GTF2F2: variants seen among roughly 807,000 people sequenced by gnomAD.
GTF2F2 encodes the protein general transcription factor IIF subunit 2.
In GTF2F2, 23 loss-of-function variants were observed where a neutral mutation model predicts 42.2. The observed-to-expected ratio is 0.55, with a 90% confidence interval of 0.39 to 0.77. The LOEUF is 0.77. Ranked by LOEUF, GTF2F2 falls within the 30% of genes least tolerant of loss-of-function variation. The pLI is 0.00. For missense variants in GTF2F2, 261 were observed against 287.2 expected (o/e 0.91, Z 0.66); for synonymous variants, 105 against 100.8 (o/e 1.04, Z -0.25).
In GTF2F2 at chr13:45,120,653, C is replaced by G. The variant is rs1470238509; in HGVS notation, c.-3C>G. ...CCCGCACGCCTCCACCGGCTGCAGA[C>G]CCATGGCCGAGCGCGGGGAACTCGA... is the stretch of plus-strand genomic sequence containing the variant. On this transcript the variant is annotated 5_prime_UTR_variant, in exon 1 of 8. Transcript: ENST00000340473. 1.9e-6 allele frequency: 3 copies of G among 1,556,728 alleles called. No individual in the cohort carries two copies. The highest frequency in any genetic ancestry group is 2.4e-5 in the South Asian group (2 of 84,438).
intron 4 of GTF2F2, among the ~76,000 whole-genome samples, chr13:45,204,641 A>T (rs951029313): frequency 1.2e-4 from 19 of 152,348 alleles, no homozygotes; most frequent in Non-Finnish European, 1.8e-4. Flanking sequence ...ATGTGTTCCT[A>T]TGAGGCTTTA....
intron 4 of GTF2F2, among the ~76,000 whole-genome samples, chr13:45,196,026 A>G (rs1313959269): frequency 6.6e-6 from 1 of 152,198 alleles, no homozygotes; most frequent in Admixed American, 6.5e-5. Context: ...ATTTAACTGT[A>G]TGTTGACATA....
chr13:45,206,027 A>C (rs531431251), intron 4 of GTF2F2, among the ~76,000 whole-genome samples: 20 of 152,304 alleles, frequency 1.3e-4, no homozygotes, highest in African/African-American at 4.8e-4. Context: ...TTTATTAAAG[A>C]CTTTAATGAG....
rs534569939 is a variant in GTF2F2 at position 45,126,434 on chromosome 13, T to G, written c.66+5713T>G. On this transcript the variant is annotated intron_variant, in intron 1 of 7. Transcript: ENST00000340473. ...TCCTGGCTAATTTTTGTATTTTTAG[T>G]AGAGACGGGGTTTCACCATGTTAGC... Among the ~76,000 whole-genome samples, 4 of 152,162 alleles carry G rather than the reference T, an allele frequency of 2.6e-5. No homozygotes were observed. In the South Asian group the frequency reaches 8.3e-4, roughly 32 times the overall value.
chr13:45,137,096 C>T (rs1415354700), intron 2 of GTF2F2, among the ~76,000 whole-genome samples: 1 of 152,194 alleles, frequency 6.6e-6, no homozygotes, highest in Non-Finnish European at 1.5e-5. Flanking sequence ...TCTTTCACCC[C>T]TCCATCCTGT....
intron 4 of GTF2F2, chr13:45,194,699 G>A (rs1049761734): frequency 1.0e-5 from 8 of 803,694 alleles, no homozygotes; most frequent in East Asian, 2.5e-5. Flanking sequence ...CATCGCCTGC[G>A]CTGTCAGCTC....
At chr13:45,185,811 C>G (rs1872393281) in intron 4 of GTF2F2, among the ~76,000 whole-genome samples, 1 of 152,042 alleles carries the variant, frequency 6.6e-6, no homozygotes, top group African/African-American at 2.4e-5. Flanking sequence ...GTTATCTCAC[C>G]TTTATTAGTA....
At chr13:45,245,581 G>C (rs1425964209) in intron 5 of GTF2F2, among the ~76,000 whole-genome samples, 1 of 150,184 alleles carries the variant, frequency 6.7e-6, no homozygotes, top group East Asian at 2.0e-4. Flanking sequence ...ACTTCACTTA[G>C]AATAACGGTC....
chr13:45,168,000 TAATGAC>T (rs1436392899), intron 4 of GTF2F2, among the ~76,000 whole-genome samples: 1 of 152,222 alleles, frequency 6.6e-6, no homozygotes, highest in Non-Finnish European at 1.5e-5. Context: ...ATGCAGAACT[TAATGAC>T]TATGATGATT....
intron 7 of GTF2F2, among the ~76,000 whole-genome samples, chr13:45,275,872 C>T (rs191172897): frequency 5.9e-5 from 9 of 152,250 alleles, no homozygotes; most frequent in Admixed American, 1.3e-4. Context: ...CTTGAGGAAT[C>T]GCCACACTGT....
intron 4 of GTF2F2, among the ~76,000 whole-genome samples, chr13:45,160,588 A>G (rs1870987678): frequency 1.3e-5 from 2 of 152,176 alleles, no homozygotes; most frequent in East Asian, 3.8e-4. Flanking sequence ...TTGAATGTTG[A>G]CACGTTTCAT....
chr13:45,194,480 A>G (rs1158928559), intron 4 of GTF2F2: 2 of 1,614,128 alleles, frequency 1.2e-6, no homozygotes, highest in African/African-American at 1.3e-5. Flanking sequence ...GTGGATTTGC[A>G]GTTCTTTCCT....
intron 7 of GTF2F2, among the ~76,000 whole-genome samples, chr13:45,275,514 C>T (rs985692593): frequency 6.9e-6 from 1 of 145,166 alleles, no homozygotes; most frequent in African/African-American, 2.5e-5. Flanking sequence ...CAAGGGTTCT[C>T]ATTGTTCAAT....
intron 5 of GTF2F2, among the ~76,000 whole-genome samples, chr13:45,240,050 A>G (rs1285039702): frequency 6.7e-6 from 1 of 149,490 alleles, no homozygotes; most frequent in African/African-American, 2.5e-5. Flanking sequence ...TCTTATGAAG[A>G]TGCTAGTTTT....
intron 4 of GTF2F2, chr13:45,193,941 T>C (rs1196883598): frequency 3.1e-6 from 5 of 1,614,062 alleles, no homozygotes; most frequent in Admixed American, 1.7e-5. Context: ...CTTCCTTTAG[T>C]ACAAGTCGAG....
At chr13:45,237,942 AG>A (rs1401430193) in intron 5 of GTF2F2, among the ~76,000 whole-genome samples, 2 of 127,472 alleles carry the variant, frequency 1.6e-5, no homozygotes, top group African/African-American at 7.9e-5. Context: ...GAGTTTGAAA[AG>A]GTTTCTGTTT....
chr13:45,198,274 T>C lies in GTF2F2; in HGVS notation c.305-9150T>C, dbSNP rs1873001837. Among the ~76,000 whole-genome samples, 3 of 152,230 alleles carry C rather than the reference T, an allele frequency of 2.0e-5. No homozygotes were observed. The South Asian group carries it at 6.2e-4, about 31-fold the overall frequency. ...CAACTCCTTATGGGAAATGAGGTCT[T>C]TGTCATCCCGTGATTGATGCAGGAC... On this transcript the variant is annotated intron_variant, in intron 4 of 7. Transcript: ENST00000340473.
intron 5 of GTF2F2, among the ~76,000 whole-genome samples, chr13:45,251,914 G>T (rs942878176): frequency 1.3e-4 from 20 of 152,222 alleles, no homozygotes; most frequent in African/African-American, 4.8e-4. Flanking sequence ...ATTAAAAATA[G>T]TTGGCTTAGA....
At chr13:45,223,814 A>G (rs1874218587) in intron 5 of GTF2F2, among the ~76,000 whole-genome samples, 1 of 152,178 alleles carries the variant, frequency 6.6e-6, no homozygotes, top group South Asian at 2.1e-4. Flanking sequence ...AGAACTAAAA[A>G]TCTTAAAGGA....
Sources: allele counts gnomAD v4.1 joint callset (sites outside exome capture counted in the v4.1 genomes callset), GRCh38; gene constraint gnomAD v4.1.1; transcripts MANE v1.5; gene names NCBI Gene and HGNC (gene_info 2026-07-23, HGNC 2026-07-21).